LMOD2: variants seen among roughly 807,000 people sequenced by gnomAD.
LMOD2 encodes the protein leiomodin-2.
LMOD2 carries 27 observed loss-of-function variants against 41.7 expected under a neutral mutation model. The observed-to-expected ratio is 0.65, with a 90% CI of 0.48 to 0.89. The LOEUF (loss-of-function observed/expected upper bound fraction) is 0.89. LMOD2 is among the 40% of genes least tolerant of loss of function. The pLI, the probability that LMOD2 is intolerant of heterozygous loss-of-function variation, is 0.00. For synonymous variants in LMOD2, 251 were observed against 244.6 expected (o/e 1.03, Z -0.25); for missense variants, 624 against 667.9 (o/e 0.93, Z 0.72).
rs372418773 is a variant in LMOD2, at chr7:123,662,941, A to G, written c.1355A>G (p.Lys452Arg). Residue 452 changes from lysine (K) to arginine (R), a missense_variant, in exon 2 of 3, where the codon AAA becomes AGA. Physicochemically the swap from Lys to Arg is conservative, Grantham distance 26. Transcript: ENST00000458573. The surrounding 1 kb of genome is among the most constrained non-coding windows in gnomAD (Gnocchi z 4.0). ...PPPPPPPLPE[K>R]KLITRNIAEV... ...CCTCCCCCTCCTCCACTCCCAGAGA[A>G]AAAGCTCATTACCAGAAACATTGCA... is the stretch of plus-strand genomic sequence containing the variant. The G allele has an allele frequency of 9.0e-6, 14 of 1,553,494 alleles. No homozygotes were observed. The African/African-American group carries it at 1.5e-4, about 17-fold the overall frequency.
chr7:123,658,135 C>T (rs200733203), intron 1 of LMOD2, among the ~76,000 whole-genome samples: 5 of 152,238 alleles, frequency 3.3e-5, no homozygotes, highest in South Asian at 4.2e-4. Context: ...TATCGTCAGC[C>T]GGACGAACCC....
intron 1 of LMOD2, among the ~76,000 whole-genome samples, chr7:123,658,304 T>C (rs1003215702): frequency 6.6e-6 from 1 of 152,148 alleles, no homozygotes; most frequent in Non-Finnish European, 1.5e-5. Context: ...CCAGGCATGA[T>C]GAGCAGGAAC....
chr7:123,656,396 T>C lies in LMOD2; in HGVS notation c.273+160T>C, dbSNP rs116927913. ...ATCATTTTTCAGGCTGAAATAATCATGTAAATGCTATGGCCACCCAATGGA... is the reference window on the plus strand; with the variant it reads ...ATCATTTTTCAGGCTGAAATAATCACGTAAATGCTATGGCCACCCAATGGA... On this transcript the variant is annotated intron_variant, in intron 1 of 2. Transcript: ENST00000458573. Among the ~76,000 whole-genome samples the C allele has an allele frequency of 7.2e-3, 1,092 of 152,348 alleles. 7 individuals carry two copies. Among genetic ancestry groups the C allele is most frequent in the South Asian group, 0.014 (68 of 4,822 alleles).
chr7:123,660,323 T>TCACA (rs35608504), intron 1 of LMOD2, among the ~76,000 whole-genome samples: 1,662 of 147,442 alleles, frequency 0.011, 26 homozygotes, highest in Middle Eastern at 0.031. Context: ...TCTCTCTCTC[T>TCACA]CACACACACA....
rs1209393138 is a variant in LMOD2, at chr7:123,663,047, A to G, written c.1461A>G (p.Lys487=). 4 of 1,554,396 alleles carry G rather than the reference A, an allele frequency of 2.6e-6. No individual in the cohort carries two copies. The highest frequency in any genetic ancestry group is 3.5e-6 in the Non-Finnish European group (4 of 1,149,014). ...AGAAAAAAGGGAAAAAGGTCAAGAA[A>G]CAGCCAAACAGTATTCTAAAGGAAA... ...QKKKKGKKVK[K]QPNSILKEIK... The change falls in exon 2 of 3, where the codon AAA becomes AAG. Residue 487 remains lysine (K), a synonymous_variant. Transcript: ENST00000458573.
At position 123,662,462 on chromosome 7, in the gene LMOD2, C is replaced by T; in HGVS notation, c.876C>T (p.Leu292=). 1.2e-6 allele frequency: 2 copies of T among 1,613,948 alleles called. No homozygotes were observed. Among genetic ancestry groups the T allele is most frequent in the South Asian group, 2.2e-5 (2 of 91,076 alleles). The change falls in exon 2 of 3, where the codon CTC becomes CTT. Residue 292 remains leucine (L), a synonymous_variant. Coordinates refer to ENST00000458573, the MANE Select transcript of LMOD2 (RefSeq NM_207163.3). The surrounding 1 kb of genome is among the most constrained non-coding windows in gnomAD (Gnocchi z 4.0). ...GKGILAIMRA[L]QHNTVLTELR... ...GGATCCTGGCCATCATGAGAGCTCT[C>T]CAGCACAACACGGTGCTCACGGAGC...
intron 1 of LMOD2, among the ~76,000 whole-genome samples, chr7:123,660,424 A>T (rs1291482856): frequency 1.3e-5 from 2 of 151,838 alleles, no homozygotes. Flanking sequence ...TCATCCCAGG[A>T]GTGGCTGACC....
At position 123,663,878 on chromosome 7, in the gene LMOD2, CA is replaced by C. The variant is rs1802930790; in HGVS notation, c.*136del. ...TAAAAATAATCTCACCCATTAATTC[CA>C]AAGAGAATCTTAAGAAACAATCAGC... On this transcript the variant is annotated 3_prime_UTR_variant, in exon 3 of 3. Transcript: ENST00000458573. The C allele has an allele frequency of 2.9e-6, 2 of 684,290 alleles. No individual in the cohort carries two copies. The highest frequency in any genetic ancestry group is 4.3e-5 in the South Asian group (2 of 47,030). 42.4% of individuals were successfully genotyped at this position (684,290 alleles called of 1,614,324 possible).
Position 123,661,877 on chromosome 7 carries a change from G to A in LMOD2, c.291G>A (p.Glu97=), listed in dbSNP as rs1212585527. The A allele has an allele frequency of 2.0e-6, 3 of 1,526,948 alleles. No homozygotes were observed. Among genetic ancestry groups the A allele is most frequent in the Admixed American group, 4.3e-5 (2 of 46,300 alleles). The allele number at this position is 1,526,948 out of a possible 1,614,324, so 94.6% of individuals were successfully genotyped here. A position where few individuals can be genotyped will look rare whatever the true frequency, so the allele number is the denominator to read the frequency against. ...GECGKVAEDK[E]ESEEELIFTE... is the part of the protein sequence containing the mutation. ...CTCTTTAGGTTGCAGAAGACAAAGA[G>A]GAAAGTGAAGAAGAGCTTATCTTTA... The change falls in exon 2 of 3, where the codon GAG becomes GAA. Residue 97 remains glutamate (E), a synonymous_variant. Transcript: ENST00000458573.
chr7:123,659,310 T>C (rs1316554792), intron 1 of LMOD2, among the ~76,000 whole-genome samples: 1 of 152,228 alleles, frequency 6.6e-6, no homozygotes, highest in Non-Finnish European at 1.5e-5. Flanking sequence ...CAGTGGCATA[T>C]AGGAAATCTG....
rs970400578 is a variant in LMOD2 at position 123,658,057 on chromosome 7, C to T, written c.273+1821C>T. On this transcript the variant is annotated intron_variant, in intron 1 of 2. Coordinates refer to ENST00000458573, the MANE Select transcript of LMOD2 (RefSeq NM_207163.3). ...TATCCAGGCTGTACAACCAATGTAT[C>T]AATAATCCAACAAAGGCTTTTTAAT... Among the ~76,000 whole-genome samples, 35 of 146,552 alleles carry T rather than the reference C, an allele frequency of 2.4e-4. No homozygotes were observed. In the East Asian group the frequency reaches 2.5e-3, roughly 10 times the overall value.
chr7:123,662,988 A>G lies in LMOD2; in HGVS notation c.1402A>G (p.Ser468Gly). 1 of 1,553,244 alleles carries G rather than the reference A, an allele frequency of 6.4e-7. No individual in the cohort carries two copies. Among genetic ancestry groups the G allele is most frequent in the Non-Finnish European group, 8.7e-7 (1 of 1,147,836 alleles). ...TGCAGAAGTCATCAAACAACAGGAG[A>G]GTGCCCAACGGGCATTACAAAATGG... ...NIAEVIKQQE[S>G]AQRALQNGQK... The change falls in exon 2 of 3, where the codon AGT (serine) becomes GGT (glycine). Residue 468 changes from serine (S) to glycine (G), a missense_variant. Transcript: ENST00000458573. This position sits in a 1 kb window ranked among gnomAD's most constrained non-coding sequence, Gnocchi z 4.0.
rs779532094 is a variant in LMOD2, at chr7:123,662,147, A to G, written c.561A>G (p.Pro187=). The G allele has an allele frequency of 1.2e-6, 2 of 1,613,708 alleles. No homozygotes were observed. Among genetic ancestry groups the G allele is most frequent in the Non-Finnish European group, 1.7e-6 (2 of 1,179,768 alleles). Residue 187 remains proline (P), a synonymous_variant, in exon 2 of 3, where the codon CCA becomes CCG. Coordinates refer to ENST00000458573, the MANE Select transcript of LMOD2 (RefSeq NM_207163.3). The surrounding 1 kb of genome is among the most constrained non-coding windows in gnomAD (Gnocchi z 4.0). Reference sequence around the variant, plus strand: ...GCAATGGGAGGAACACAGAGTCCCCAGCTGCCATTCACCCTTGTGGAAATC... The same window carrying G: ...GCAATGGGAGGAACACAGAGTCCCCGGCTGCCATTCACCCTTGTGGAAATC... ...NGSNGRNTES[P]AAIHPCGNPT...
rs7779099 is a variant in LMOD2, at chr7:123,655,910, C to T, written c.-54C>T. ...ACTTGCCTCCCTGCCTGCTTCTGGC[C>T]GCCTTGAATGCCTGGTCCTTCAAGC... On this transcript the variant is annotated 5_prime_UTR_variant, in exon 1 of 3. Transcript: ENST00000458573. 1,089,248 of 1,522,924 alleles carry T rather than the reference C, an allele frequency of 0.72. 391,857 individuals carry two copies. The highest frequency in any genetic ancestry group is 0.83 in the East Asian group (35,147 of 42,132). The allele number at this position is 1,522,924 out of a possible 1,614,324, so 94.3% of individuals were successfully genotyped here.
Position 123,662,757 on chromosome 7 carries a change from G to GTATC in LMOD2, c.1173_1176dup (p.Pro393IlefsTer132). 1 of 1,613,908 alleles carries GTATC rather than the reference G, an allele frequency of 6.2e-7. No homozygotes were observed. The highest frequency in any genetic ancestry group is 8.5e-7 in the Non-Finnish European group (1 of 1,179,888). On this transcript the variant is annotated frameshift_variant, in exon 2 of 3. Transcript: ENST00000458573. LOFTEE classifies it high-confidence loss of function. This position sits in a 1 kb window ranked among gnomAD's most constrained non-coding sequence, Gnocchi z 4.0. ...AGGAACACCTAGCTCTTCACCTTATGTATCTCCCAGGCACTCACCCTGGTC... is the reference window on the plus strand; with the variant it reads ...AGGAACACCTAGCTCTTCACCTTATGTATCTATCTCCCAGGCACTCACCCTGGTC...
At chr7:123,660,737 T>A (rs897085046) in intron 1 of LMOD2, among the ~76,000 whole-genome samples, 4 of 151,968 alleles carry the variant, frequency 2.6e-5, no homozygotes, top group Admixed American at 1.3e-4. Context: ...TAGACCTTTT[T>A]TTTTTTTAAT....
Position 123,656,001 on chromosome 7 carries a change from A to G in LMOD2, c.38A>G (p.Tyr13Cys). 1 of 1,609,382 alleles carries G rather than the reference A, an allele frequency of 6.2e-7. No homozygotes were observed. Among genetic ancestry groups the G allele is most frequent in the South Asian group, 1.1e-5 (1 of 89,810 alleles). ...TFGYRRGLSK[Y>C]ESIDEDELLA... ...GGCTACCGAAGAGGACTCAGTAAAT[A>G]CGAATCCATCGACGAGGATGAACTC... The change falls in exon 1 of 3, where the codon TAC becomes TGC. Residue 13 changes from tyrosine to cysteine, a missense_variant. Physicochemically the swap from Tyr to Cys is radical, Grantham distance 194. Coordinates refer to ENST00000458573, the MANE Select transcript of LMOD2 (RefSeq NM_207163.3).
chr7:123,663,522 A>T, intron 2 of LMOD2, 197 bp from the exon 3 acceptor site: 1 of 613,884 alleles, frequency 1.6e-6, no homozygotes, highest in South Asian at 2.2e-5. Flanking sequence ...ACCACTTGTC[A>T]AAAATTTTAC....
Position 123,662,674 on chromosome 7 carries a change from A to G in LMOD2, c.1088A>G (p.Gln363Arg), listed in dbSNP as rs1475602664. The G allele has an allele frequency of 6.2e-7, 1 of 1,614,016 alleles. No homozygotes were observed. Among genetic ancestry groups the G allele is most frequent in the South Asian group, 1.1e-5 (1 of 91,080 alleles). Residue 363 changes from glutamine (Q) to arginine (R), a missense_variant, in exon 2 of 3, where the codon CAA becomes CGA. Physicochemically the swap from Gln to Arg is conservative, Grantham distance 43. Coordinates refer to ENST00000458573, the MANE Select transcript of LMOD2 (RefSeq NM_207163.3). The surrounding 1 kb of genome is among the most constrained non-coding windows in gnomAD (Gnocchi z 4.0). The part of the protein sequence containing the change: ...DKQRQKRLQE[Q>R]KQQEGYDGGP... ...CAGAGGCAAAAACGTTTGCAGGAGCAAAAACAGCAGGAGGGATACGATGGA... is the reference window on the plus strand; with the variant it reads ...CAGAGGCAAAAACGTTTGCAGGAGCGAAAACAGCAGGAGGGATACGATGGA...
Sources: gnomAD v4.1 joint callset for allele counts (sites outside exome capture counted in the v4.1 genomes callset) on GRCh38, gnomAD v4.1.1 for gene constraint, Gnocchi (gnomAD v3.1) non-coding constraint, MANE v1.5 for transcripts, NCBI Gene and HGNC (gene_info 2026-07-23, HGNC 2026-07-21) for gene names.